SMU1: variants seen among roughly 807,000 people sequenced by gnomAD.
The protein encoded by SMU1 is SMU1 DNA replication regulator and spliceosomal factor.
SMU1 carries 2 observed loss-of-function variants against 62.0 expected under a neutral mutation model. The ratio of observed to expected loss-of-function variants is 0.03; its 90% confidence interval spans 0.01 to 0.10. The LOEUF (loss-of-function observed/expected upper bound fraction) is 0.10. Among genes scored for constraint, SMU1 ranks in the 10% least tolerant of loss-of-function variants. The probability of loss-of-function intolerance (pLI) is 1.00; values close to 1 mark genes in which losing one functional copy is unlikely to be tolerated. For missense variants in SMU1, 227 were observed against 622.1 expected, an observed-to-expected ratio of 0.36 and a Z score of 6.76; for synonymous variants, 188 against 212.4, an observed-to-expected ratio of 0.89 and a Z score of 1.00.
At position 33,043,872 on chromosome 9, in the gene SMU1, TG is replaced by T. The variant is rs776910389; in HGVS notation, c.*3420del. On this transcript the variant is annotated 3_prime_UTR_variant, in exon 12 of 12. Transcript: ENST00000397149. The stretch of plus-strand genomic sequence containing the variant: ...CATTGTTCTGAGAATTAAATATGGC[TG>T]CTTACATAGCAAGGAAGGGCTCAAC... The T allele has an allele frequency of 6.6e-6, 1 of 152,174 alleles. No homozygotes were observed. The highest frequency in any genetic ancestry group is 1.9e-4 in the East Asian group (1 of 5,176). 9.4% of individuals were successfully genotyped at this position (152,174 alleles called of 1,614,324 possible).
At chr9:33,048,392 T>G in intron 10 of SMU1, 134 bp from the exon 11 acceptor site, 1 of 1,072,992 alleles carries the variant, frequency 9.3e-7, no homozygotes, top group Non-Finnish European at 1.3e-6. Context: ...AGATCTCCAG[T>G]CCTGTTCATC....
rs1193130731 is a variant in SMU1 at position 33,043,699 on chromosome 9, G to A, written c.*3594C>T. 6.6e-6 allele frequency: 1 copy of A among 152,162 alleles called. No individual in the cohort carries two copies. The highest frequency in any genetic ancestry group is 1.5e-5 in the Non-Finnish European group (1 of 68,022). The allele number at this position is 152,162 out of a possible 1,614,324, so 9.4% of individuals were successfully genotyped here. On this transcript the variant is annotated 3_prime_UTR_variant, in exon 12 of 12. Transcript: ENST00000397149. Reference sequence around the variant, plus strand: ...CCTAAAGATTGAGGAGGAACTGACAGCAATATTGAGAGTGAGGCAAGAGAG... The same window carrying A: ...CCTAAAGATTGAGGAGGAACTGACAACAATATTGAGAGTGAGGCAAGAGAG...
chr9:33,047,923 G>A (rs1269631839), intron 11 of SMU1, among the ~76,000 whole-genome samples, 183 bp downstream of exon 11: 1 of 151,746 alleles, frequency 6.6e-6, no homozygotes, highest in African/African-American at 2.4e-5. Flanking sequence ...GAGATTTGGG[G>A]ATCATCATAG....
At chr9:33,073,899 CACT>C in intron 1 of SMU1, 93 bp from the exon 2 acceptor site, 1 of 1,147,526 alleles carries the variant, frequency 8.7e-7, no homozygotes, top group South Asian at 1.5e-5. Context: ...ATCTTCCTTT[CACT>C]ACTATTTCTT....
Position 33,057,579 on chromosome 9 carries a change from C to G in SMU1, c.867+19G>C. ...ATTCAAAATGTCTACATATGAGAGG[C>G]TGTGGCACTAATCCATACCTTGATT... On this transcript the variant is annotated intron_variant, in intron 7 of 11. Coordinates refer to ENST00000397149, the MANE Select transcript of SMU1 (RefSeq NM_018225.3). The G allele has an allele frequency of 3.7e-6, 6 of 1,612,474 alleles. No individual in the cohort carries two copies. The highest frequency in any genetic ancestry group is 5.1e-6 in the Non-Finnish European group (6 of 1,179,904).
rs1243278069 is a variant in SMU1 at position 33,071,762 on chromosome 9, C to G, written c.368G>C (p.Arg123Thr). ...TACCTCACGAGGATCAAAGTAAGAC[C>G]TGGCCAAAAGGTTCTCCAGATGAAT... The part of the protein sequence containing the change: ...RYIHLENLLA[R>T]SYFDPREAYP... Residue 123 changes from arginine to threonine, a missense_variant, in exon 3 of 12, where the codon AGG becomes ACG. Arg to Thr is a moderately conservative substitution (Grantham distance 71). This residue lies in a region of SMU1 where 99 missense variants were observed against 270.3 expected (regional missense o/e 0.37). Transcript: ENST00000397149. 1 of 1,611,748 alleles carries G rather than the reference C, an allele frequency of 6.2e-7. No homozygotes were observed. Among genetic ancestry groups the G allele is most frequent in the Non-Finnish European group, 8.5e-7 (1 of 1,179,372 alleles).
chr9:33,056,982 AAAAG>A lies in SMU1; in HGVS notation c.868-22_868-19del. 6.3e-7 allele frequency: 1 copy of A among 1,591,038 alleles called. No homozygotes were observed. Among genetic ancestry groups the A allele is most frequent in the Non-Finnish European group, 8.5e-7 (1 of 1,174,226 alleles). On this transcript the variant is annotated intron_variant, in intron 7 of 11. Transcript: ENST00000397149. ...TTCCACACCTTTATTTGAAAAAAAA[AAAAG>A]AATTAAAAAAACCTTGTTAAGTGTC...
At chr9:33,050,456 T>G (rs770464801) in intron 10 of SMU1, among the ~76,000 whole-genome samples, 1 of 151,718 alleles carries the variant, frequency 6.6e-6, no homozygotes, top group Non-Finnish European at 1.5e-5. Flanking sequence ...TTACTCATAA[T>G]TGCCAAAACT....
In SMU1 at chr9:33,073,776, C is replaced by T; in HGVS notation, c.57G>A (p.Lys19=). ...DVIRLIMQYL[K]ENSLHRALAT... is the part of the protein sequence containing the mutation. ...CTAACGCCCGATGTAAACTGTTCTC[C>T]TTCAAGTACTGCATAATAAGGCGGA... Residue 19 remains lysine (K), a synonymous_variant, in exon 2 of 12, where the codon AAG becomes AAA. Coordinates refer to ENST00000397149, the MANE Select transcript of SMU1 (RefSeq NM_018225.3). 1 of 1,614,214 alleles carries T rather than the reference C, an allele frequency of 6.2e-7. No individual in the cohort carries two copies. Among genetic ancestry groups the T allele is most frequent in the Non-Finnish European group, 8.5e-7 (1 of 1,180,036 alleles).
intron 1 of SMU1, among the ~76,000 whole-genome samples, chr9:33,076,101 C>T (rs1839543112): frequency 6.6e-6 from 1 of 152,146 alleles, no homozygotes; most frequent in Non-Finnish European, 1.5e-5. Flanking sequence ...CCGACAAAGG[C>T]TAGTTTGGGG....
At position 33,042,379 on chromosome 9, in the gene SMU1, A is replaced by G. The variant is rs772977491; in HGVS notation, c.*4914T>C. 7 of 152,700 alleles carry G rather than the reference A, an allele frequency of 4.6e-5. No homozygotes were observed. Among genetic ancestry groups the G allele is most frequent in the South Asian group, 4.1e-4 (2 of 4,824 alleles). 9.5% of individuals were successfully genotyped at this position (152,700 alleles called of 1,614,324 possible). ...AAACAAAGCCTATGAAACAGAGCCT[A>G]TGAAAAAACATTAACCAAGGTCATC... On this transcript the variant is annotated 3_prime_UTR_variant, in exon 12 of 12. Transcript: ENST00000397149.
At chr9:33,047,533 G>T (rs1839200033) in intron 11 of SMU1, 142 bp from the exon 12 acceptor site, 1 of 583,810 alleles carries the variant, frequency 1.7e-6, no homozygotes, top group Non-Finnish European at 3.0e-6. Flanking sequence ...ATGGAGGAGG[G>T]TTTTCCAACT....
chr9:33,069,651 AC>A (rs1199981608), intron 3 of SMU1, among the ~76,000 whole-genome samples: 2 of 152,130 alleles, frequency 1.3e-5, no homozygotes, highest in African/African-American at 4.8e-5. Context: ...AAATAGAAAA[AC>A]TAGCCAGGCC....
At chr9:33,066,128 T>A (rs965942462) in intron 4 of SMU1, among the ~76,000 whole-genome samples, 2 of 152,080 alleles carry the variant, frequency 1.3e-5, no homozygotes, top group Non-Finnish European at 2.9e-5. Flanking sequence ...AAACTCCTCT[T>A]TCCAACCACC....
chr9:33,058,444 G>A (rs1587708741), intron 6 of SMU1, among the ~76,000 whole-genome samples: 1 of 152,104 alleles, frequency 6.6e-6, no homozygotes, highest in Non-Finnish European at 1.5e-5. Context: ...AGGTTCCTAA[G>A]TAGCCGGGAT....
In SMU1 at chr9:33,042,772, A is replaced by C. The variant is rs1203206169; in HGVS notation, c.*4521T>G. On this transcript the variant is annotated 3_prime_UTR_variant, in exon 12 of 12. Transcript: ENST00000397149. ...TAATATTAACCACTTGGAACAGAAT[A>C]CCACTGTTAAAATTGCCGTGGAAGG... 2 of 152,206 alleles carry C rather than the reference A, an allele frequency of 1.3e-5. No individual in the cohort carries two copies. Among genetic ancestry groups the C allele is most frequent in the Non-Finnish European group, 2.9e-5 (2 of 68,042 alleles). The allele number at this position is 152,206 out of a possible 1,614,324, so 9.4% of individuals were successfully genotyped here. A position where few individuals can be genotyped will look rare whatever the true frequency, so the allele number is the denominator to read the frequency against.
intron 4 of SMU1, among the ~76,000 whole-genome samples, chr9:33,066,446 TAGG>T (rs1839420149): frequency 6.9e-6 from 1 of 145,618 alleles, no homozygotes; most frequent in Non-Finnish European, 1.5e-5. Context: ...TCCCAGTACT[TAGG>T]AAGGCAGAGG....
intron 6 of SMU1, among the ~76,000 whole-genome samples, chr9:33,058,346 T>G (rs1336090488): frequency 6.6e-6 from 1 of 152,222 alleles, no homozygotes. Flanking sequence ...AGACAGAGTC[T>G]TGCTCTGTCG....
rs2119411507 is a variant in SMU1 at position 33,044,430 on chromosome 9, C to CGGG, written c.*2862_*2863insCCC. On this transcript the variant is annotated 3_prime_UTR_variant, in exon 12 of 12. Coordinates refer to ENST00000397149, the MANE Select transcript of SMU1 (RefSeq NM_018225.3). ...CCCTGGACCCAAGATGGGACTCCTA[C>CGGG]CTCCGACCACCCGGAGCAGCGGCGC... 6.6e-6 allele frequency: 1 copy of CGGG among 152,480 alleles called. No individual in the cohort carries two copies. Among genetic ancestry groups the CGGG allele is most frequent in the Admixed American group, 6.5e-5 (1 of 15,308 alleles). The allele number at this position is 152,480 out of a possible 1,614,324, so 9.4% of individuals were successfully genotyped here.
Sources: gnomAD v4.1 joint callset for allele counts (sites outside exome capture counted in the v4.1 genomes callset) on GRCh38, gnomAD v4.1.1 for gene constraint, gnomAD v4.1.1 regional missense constraint, MANE v1.5 for transcripts, NCBI Gene and HGNC (gene_info 2026-07-23, HGNC 2026-07-21) for gene names.